The following RNF170 variants were observed in gnomAD, a reference collection of about 807,000 sequenced individuals.
RNF170 encodes ring finger protein 170, also known as E3 ubiquitin-protein ligase RNF170.
RNF170 carries 12 observed loss-of-function variants against 32.7 expected under a neutral mutation model. That is an observed-to-expected ratio of 0.37 (90% CI 0.24 to 0.60). The LOEUF (loss-of-function observed/expected upper bound fraction) is 0.60. RNF170 is among the 20% of genes least tolerant of loss of function. The pLI is 0.72. For missense variants in RNF170, 212 were observed against 311.2 expected (o/e 0.68, Z 2.40); for synonymous variants, 91 against 103.6 (o/e 0.88, Z 0.74).
At position 42,854,006 on chromosome 8, in the gene RNF170, C is replaced by T; in HGVS notation, c.*2153G>A. 1.6e-6 allele frequency: 2 copies of T among 1,287,162 alleles called. No homozygotes were observed. Among genetic ancestry groups the T allele is most frequent in the South Asian group, 2.5e-5 (2 of 80,940 alleles). 79.7% of individuals were successfully genotyped at this position (1,287,162 alleles called of 1,614,324 possible). On this transcript the variant is annotated 3_prime_UTR_variant, in exon 7 of 7. Coordinates refer to ENST00000527424, the MANE Select transcript of RNF170 (RefSeq NM_030954.4). The stretch of plus-strand genomic sequence containing the variant: ...AAATGACATCACCATTCCCCCACAC[C>T]AAATGTGTAATTGGTAGGAAATGCA...
Position 42,874,045 on chromosome 8 carries a change from T to C in RNF170, c.138-39A>G, listed in dbSNP as rs115132811. 1.3e-3 allele frequency: 1,589 copies of C among 1,204,402 alleles called. 13 individuals are homozygous for C. The African/African-American group carries it at 0.02, about 15-fold the overall frequency. The allele number at this position is 1,204,402 out of a possible 1,614,324, so 74.6% of individuals were successfully genotyped here. ...TATAATAAATTTTGAATAGAAAATA[T>C]TATCATATGAATCCATTTTCTTCAT... On this transcript the variant is annotated intron_variant, in intron 2 of 6. Transcript: ENST00000527424.
chr8:42,852,956 C>CTT (rs76276558), downstream of RNF170, among the ~76,000 whole-genome samples: 15 of 138,964 alleles, frequency 1.1e-4, no homozygotes, highest in African/African-American at 3.2e-4. Flanking sequence ...TATCTACAAA[C>CTT]TTTTTTTTTT....
At chr8:42,880,552 A>T (rs1805310996) in intron 2 of RNF170, among the ~76,000 whole-genome samples, 1 of 152,130 alleles carries the variant, frequency 6.6e-6, no homozygotes, top group East Asian at 1.9e-4. Context: ...CGGGCGGATC[A>T]TGAGGTCAGG....
At chr8:42,881,846 G>A (rs1024357746) in intron 2 of RNF170, among the ~76,000 whole-genome samples, 3 of 152,102 alleles carry the variant, frequency 2.0e-5, no homozygotes, top group African/African-American at 7.2e-5. Context: ...GAGGTGGGAG[G>A]ATCACTTGAG....
intron 4 of RNF170, among the ~76,000 whole-genome samples, chr8:42,866,971 T>C (rs1031301566): frequency 6.6e-6 from 1 of 152,230 alleles, no homozygotes; most frequent in Non-Finnish European, 1.5e-5. Context: ...AGTGCTGAAC[T>C]AGGTGTCCCT....
intron 2 of RNF170, among the ~76,000 whole-genome samples, chr8:42,887,238 G>A (rs1385510480): frequency 6.6e-6 from 1 of 152,196 alleles, no homozygotes; most frequent in Non-Finnish European, 1.5e-5. Context: ...GTTGTGGTGA[G>A]CTGAGACAGT....
downstream of RNF170, chr8:42,851,079 C>G: frequency 6.6e-7 from 1 of 1,526,152 alleles, no homozygotes; most frequent in Non-Finnish European, 8.8e-7. Flanking sequence ...AAATCAACAG[C>G]CTTCCTGCTT....
intron 2 of RNF170, among the ~76,000 whole-genome samples, chr8:42,886,097 A>G (rs1488894642): frequency 6.6e-6 from 1 of 151,940 alleles, no homozygotes; most frequent in Non-Finnish European, 1.5e-5. Flanking sequence ...GGTGGTGGGC[A>G]CCTGTAGTCC....
intron 6 of RNF170, 123 bp from the exon 7 acceptor site, chr8:42,856,551 A>C (rs1430837517): frequency 1.4e-6 from 1 of 696,486 alleles, no homozygotes; most frequent in Non-Finnish European, 2.4e-6. Flanking sequence ...CATTAATTGA[A>C]CATATTTTCT....
chr8:42,860,153 G>A (rs2128925243), intron 6 of RNF170, among the ~76,000 whole-genome samples: 1 of 152,320 alleles, frequency 6.6e-6, no homozygotes, highest in South Asian at 2.1e-4. Flanking sequence ...ACGCTGAAAT[G>A]GAAGCGAAGC....
In RNF170 at chr8:42,853,425, A is replaced by G. The variant is rs775485778; in HGVS notation, c.*2734T>C. 7.8e-7 allele frequency: 1 copy of G among 1,287,168 alleles called. No homozygotes were observed. The highest frequency in any genetic ancestry group is 1.0e-6 in the Non-Finnish European group (1 of 988,654). 79.7% of individuals were successfully genotyped at this position (1,287,168 alleles called of 1,614,324 possible). Reference sequence around the variant, plus strand: ...GTGAGGTAGGTATCTGCATAGCCACAAGGGATCCACATAGTCCTTTCTTCC... The same window carrying G: ...GTGAGGTAGGTATCTGCATAGCCACGAGGGATCCACATAGTCCTTTCTTCC... On this transcript the variant is annotated 3_prime_UTR_variant, in exon 7 of 7. Coordinates refer to ENST00000527424, the MANE Select transcript of RNF170 (RefSeq NM_030954.4).
chr8:42,869,972 C>G (rs762834611), intron 4 of RNF170, 32 bp downstream of exon 4: 1 of 1,493,290 alleles, frequency 6.7e-7, no homozygotes, highest in Admixed American at 1.7e-5. Flanking sequence ...TCTACACAGT[C>G]ACTTTTCCCA....
chr8:42,855,357 G>A lies in RNF170; in HGVS notation c.*802C>T, dbSNP rs1282653552. The A allele has an allele frequency of 9.9e-6, 7 of 710,610 alleles. No individual in the cohort carries two copies. The highest frequency in any genetic ancestry group is 1.4e-5 in the Non-Finnish European group (7 of 486,594). 44.0% of individuals were successfully genotyped at this position (710,610 alleles called of 1,614,324 possible). A position where few individuals can be genotyped will look rare whatever the true frequency, so the allele number is the denominator to read the frequency against. On this transcript the variant is annotated 3_prime_UTR_variant, in exon 7 of 7. Transcript: ENST00000527424. Reference sequence around the variant, plus strand: ...CTCCCGAGTAGCTGGGACTACAGGCGCCTGCCACCACGCCTGGCTAATTTT... The same window carrying A: ...CTCCCGAGTAGCTGGGACTACAGGCACCTGCCACCACGCCTGGCTAATTTT...
intron 2 of RNF170, among the ~76,000 whole-genome samples, chr8:42,880,067 G>C (rs13276821): frequency 0.047 from 7,212 of 152,270 alleles, 228 homozygotes; most frequent in South Asian, 0.08. Flanking sequence ...ATGACTTTGA[G>C]AGGTTCAGGA....
intron 1 of RNF170, among the ~76,000 whole-genome samples, chr8:42,888,154 C>G (rs1805983778): frequency 6.6e-6 from 1 of 152,072 alleles, no homozygotes; most frequent in African/African-American, 2.4e-5. Context: ...CAACGTCCGC[C>G]TCCCGGGTTC....
Position 42,853,582 on chromosome 8 carries a change from A to G in RNF170, c.*2577T>C, listed in dbSNP as rs201542770. ...TATTATCTGCTCCTGGGGTTGGACC[A>G]TCTGTTTTATGACAGTTATGATATT... On this transcript the variant is annotated 3_prime_UTR_variant, in exon 7 of 7. Transcript: ENST00000527424. 9 of 1,286,798 alleles carry G rather than the reference A, an allele frequency of 7.0e-6. No homozygotes were observed. In the East Asian group the frequency reaches 3.9e-4, roughly 56 times the overall value. The allele number at this position is 1,286,798 out of a possible 1,614,324, so 79.7% of individuals were successfully genotyped here.
At chr8:42,851,364 C>T (rs1802937112), downstream of RNF170, among the ~76,000 whole-genome samples, 1 of 151,934 alleles carries the variant, frequency 6.6e-6, no homozygotes, top group South Asian at 2.1e-4. Flanking sequence ...GAGTTCCAGA[C>T]CAGCCTGGCC....
chr8:42,893,890 G>A (rs796945532), intron 1 of RNF170, among the ~76,000 whole-genome samples: 5 of 152,300 alleles, frequency 3.3e-5, no homozygotes, highest in African/African-American at 1.2e-4. Context: ...ATAAGCAGCT[G>A]TGGGTGAGAA....
chr8:42,873,610 G>A (rs2128937611), intron 3 of RNF170, among the ~76,000 whole-genome samples: 1 of 152,000 alleles, frequency 6.6e-6, no homozygotes, highest in East Asian at 1.9e-4. Context: ...ATATTAAGGA[G>A]TATATGTCAG....
Sources: gnomAD v4.1 joint callset for allele counts (sites outside exome capture counted in the v4.1 genomes callset) on GRCh38, gnomAD v4.1.1 for gene constraint, MANE v1.5 for transcripts, NCBI Gene and HGNC (gene_info 2026-07-23, HGNC 2026-07-21) for gene names.